The following CSMD2 variants were observed in gnomAD, a reference collection of about 807,000 sequenced individuals.
The protein encoded by CSMD2 is CUB and Sushi multiple domains 2, also known as CUB and sushi domain-containing protein 2.
Under a neutral mutation model 398.5 loss-of-function variants are expected in CSMD2, and 130 were observed. That is an observed-to-expected ratio of 0.33 (90% CI 0.28 to 0.38). The LOEUF is 0.38. Among genes scored for constraint, CSMD2 ranks in the 10% least tolerant of loss-of-function variants. The pLI is 1.00. For synonymous variants in CSMD2, 1,828 were observed against 1,908.5 expected (o/e 0.96, Z 1.10); for missense variants, 3,829 against 4,764.9 (o/e 0.80, Z 5.78).
intron 29 of CSMD2, among the ~76,000 whole-genome samples, chr1:33,638,585 G>A (rs572297653): frequency 5.9e-5 from 9 of 152,248 alleles, no homozygotes; most frequent in East Asian, 1.9e-4. Context: ...ATAGCCTCCC[G>A]TGTCACTTGG....
rs1641777013 is a variant in CSMD2, at chr1:34,165,221, C to A, written c.-124G>T. On this transcript the variant is annotated 5_prime_UTR_variant, in exon 1 of 71. Coordinates refer to ENST00000373381, the MANE Select transcript of CSMD2 (RefSeq NM_001281956.2). ...GGTACGCGGGAGCCCTGAGCTTCTG[C>A]GGCTGGAATGAACCAAGTGTCCGCC... is the stretch of plus-strand genomic sequence containing the variant. The A allele has an allele frequency of 8.5e-7, 1 of 1,169,600 alleles. No homozygotes were observed. Among genetic ancestry groups the A allele is most frequent in the East Asian group, 3.9e-5 (1 of 25,484 alleles). The allele number at this position is 1,169,600 out of a possible 1,614,324, so 72.5% of individuals were successfully genotyped here. A position where few individuals can be genotyped will look rare whatever the true frequency, so the allele number is the denominator to read the frequency against.
At chr1:33,565,137 G>A (rs1010452727) in intron 53 of CSMD2, among the ~76,000 whole-genome samples, 14 of 152,228 alleles carry the variant, frequency 9.2e-5, no homozygotes, top group Admixed American at 3.9e-4. Context: ...AAGACTGTAT[G>A]AGAAAGAGAA....
chr1:33,969,779 G>T (rs542785342), intron 3 of CSMD2, among the ~76,000 whole-genome samples: 1 of 151,818 alleles, frequency 6.6e-6, no homozygotes, highest in African/African-American at 2.4e-5. Context: ...GCTTCAGATT[G>T]TAAGTGGCTT....
chr1:33,916,673 AC>A (rs1229603129), intron 5 of CSMD2, among the ~76,000 whole-genome samples: 1 of 152,092 alleles, frequency 6.6e-6, no homozygotes, highest in African/African-American at 2.4e-5. Flanking sequence ...CTCACCTTCC[AC>A]TGCACCAGGA....
In CSMD2 at chr1:33,700,433, C is replaced by T. The variant is rs1571268460; in HGVS notation, c.3733+84G>A. 3 of 1,461,270 alleles carry T rather than the reference C, an allele frequency of 2.1e-6. No individual in the cohort carries two copies. In the East Asian group the frequency reaches 6.8e-5, roughly 33 times the overall value. 90.5% of individuals were successfully genotyped at this position (1,461,270 alleles called of 1,614,324 possible). ...AGTCTTAAGAGCACATTCTTTGTAT[C>T]TCGTGAGCAAGCAGAAGCTCAAATA... On this transcript the variant is annotated intron_variant, in intron 23 of 70. Coordinates refer to ENST00000373381, the MANE Select transcript of CSMD2 (RefSeq NM_001281956.2).
Position 33,743,532 on chromosome 1 carries a change from G to A in CSMD2, c.1921C>T (p.His641Tyr), listed in dbSNP as rs1209185061. The A allele has an allele frequency of 1.9e-6, 3 of 1,613,910 alleles. No individual in the cohort carries two copies. Among genetic ancestry groups the A allele is most frequent in the Middle Eastern group, 3.3e-4 (2 of 6,084 alleles). The change falls in exon 14 of 71, where the codon CAC becomes TAC. Residue 641 changes from histidine (H) to tyrosine (Y), a missense_variant. By Grantham distance (83) the His-to-Tyr change is moderately conservative. Coordinates refer to ENST00000373381, the MANE Select transcript of CSMD2 (RefSeq NM_001281956.2). ...AGGATGAGCCAGACACAGTGGAGGT[G>A]GTTGCCATAGTCCTCTGGGTAGTTG... ...SPNYPEDYGN[H>Y]LHCVWLILAR...
intron 29 of CSMD2, among the ~76,000 whole-genome samples, chr1:33,637,737 G>A (rs1165291451): frequency 6.6e-6 from 1 of 152,178 alleles, no homozygotes; most frequent in Non-Finnish European, 1.5e-5. Flanking sequence ...TTATTGGGGG[G>A]CAACAGAGAG....
intron 42 of CSMD2, among the ~76,000 whole-genome samples, chr1:33,604,921 C>T (rs1640485813): frequency 6.6e-6 from 1 of 152,188 alleles, no homozygotes; most frequent in Non-Finnish European, 1.5e-5. Flanking sequence ...CCTGGATTAA[C>T]TCTACCTCTC....
At chr1:33,646,564 G>A in intron 29 of CSMD2, 84 bp downstream of exon 29, 3 of 1,441,268 alleles carry the variant, frequency 2.1e-6, no homozygotes, top group Non-Finnish European at 2.9e-6. Context: ...CCAGCCCAGG[G>A]CTCTCCTCAC....
chr1:33,537,074 G>A lies in CSMD2; in HGVS notation c.9827C>T (p.Ala3276Val), dbSNP rs571107218. 5.6e-5 allele frequency: 91 copies of A among 1,614,146 alleles called. No homozygotes were observed. The South Asian group carries it at 8.9e-4, about 16-fold the overall frequency. Residue 3276 changes from alanine (A) to valine (V), a missense_variant, in exon 62 of 71, where the codon GCG becomes GTG. By Grantham distance (64) the Ala-to-Val change is moderately conservative. Transcript: ENST00000373381. The surrounding 1 kb of genome is among the most constrained non-coding windows in gnomAD (Gnocchi z 4.6). ...SCIDPTLTTC[A>V]DPGVPQFGIQ... ...CCCAAACTGTGGCACACCAGGGTCC[G>A]CACACGTGGTCAGGGTCGGATCTGG...
At chr1:33,530,687 C>A (rs1032151744) in intron 64 of CSMD2, among the ~76,000 whole-genome samples, 1 of 152,120 alleles carries the variant, frequency 6.6e-6, no homozygotes, top group Non-Finnish European at 1.5e-5. Flanking sequence ...GATACGGAAA[C>A]AACCTAAGTG....
In CSMD2 at chr1:34,057,679, TC is replaced by T. The variant is rs1654004422; in HGVS notation, c.405-24974del. 5.3e-5 allele frequency among the ~76,000 whole-genome samples: 8 copies of T among 152,256 alleles called. No homozygotes were observed. In the South Asian group the frequency reaches 1.7e-3, roughly 32 times the overall value. On this transcript the variant is annotated intron_variant, in intron 2 of 70. Transcript: ENST00000373381. ...TTCCACAAGCCCCCTCGCTTGTTTGTCCCCAGTGCCTGATAATTAGGCTGTG... is the reference window on the plus strand; with the variant it reads ...TTCCACAAGCCCCCTCGCTTGTTTGTCCCAGTGCCTGATAATTAGGCTGTG...
At chr1:33,563,094 G>A (rs1382421048) in intron 53 of CSMD2, among the ~76,000 whole-genome samples, 1 of 152,186 alleles carries the variant, frequency 6.6e-6, no homozygotes, top group East Asian at 1.9e-4. Context: ...GCACTTAATG[G>A]GCTTTTGAGC....
chr1:33,778,674 C>T (rs1032844480), intron 12 of CSMD2, among the ~76,000 whole-genome samples: 15 of 152,174 alleles, frequency 9.9e-5, no homozygotes, highest in African/African-American at 2.4e-4. Context: ...AAAGGTATAG[C>T]ATTGCCTGCC....
In CSMD2 at chr1:33,949,942, C is replaced by T. The variant is rs530083694; in HGVS notation, c.518-13988G>A. On this transcript the variant is annotated intron_variant, in intron 3 of 70. Coordinates refer to ENST00000373381, the MANE Select transcript of CSMD2 (RefSeq NM_001281956.2). ...GCACATGGCCCAAATTACTCTCCTG[C>T]CCTTGCCCCAAACCCATCTCTCCCC... 1.5e-4 allele frequency among the ~76,000 whole-genome samples: 23 copies of T among 152,288 alleles called. No individual in the cohort carries two copies. The South Asian group carries it at 3.3e-3, about 22-fold the overall frequency.
At chr1:34,039,637 T>C (rs897802833) in intron 2 of CSMD2, among the ~76,000 whole-genome samples, 5 of 152,122 alleles carry the variant, frequency 3.3e-5, no homozygotes, top group Non-Finnish European at 7.4e-5. Context: ...CCAGCGTCAG[T>C]GACAAGGCAG....
intron 14 of CSMD2, among the ~76,000 whole-genome samples, chr1:33,740,381 T>G (rs1647019417): frequency 6.6e-6 from 1 of 152,134 alleles, no homozygotes; most frequent in African/African-American, 2.4e-5. Flanking sequence ...GATCCATGGC[T>G]GCATGGGTAT....
chr1:34,156,708 G>A (rs1210510328), intron 1 of CSMD2, among the ~76,000 whole-genome samples: 1 of 152,160 alleles, frequency 6.6e-6, no homozygotes, highest in Non-Finnish European at 1.5e-5. Context: ...AGATGGCACA[G>A]GAGATTCTCA....
chr1:33,661,760 G>A (rs912736470), intron 26 of CSMD2, among the ~76,000 whole-genome samples: 6 of 152,216 alleles, frequency 3.9e-5, no homozygotes, highest in Admixed American at 1.3e-4. Context: ...GATGACAGAC[G>A]TAGCAGAAAA....
Sources: gnomAD v4.1 joint callset for allele counts (sites outside exome capture counted in the v4.1 genomes callset) on GRCh38, gnomAD v4.1.1 for gene constraint, Gnocchi (gnomAD v3.1) non-coding constraint, MANE v1.5 for transcripts, NCBI Gene and HGNC (gene_info 2026-07-23, HGNC 2026-07-21) for gene names.